Variants in GBP3 observed in about 807,000 individuals in gnomAD.
The protein encoded by GBP3 is guanylate binding protein 3, also known as guanylate-binding protein 3.
Under a neutral mutation model 62.4 loss-of-function variants are expected in GBP3, and 55 were observed. That is an observed-to-expected ratio of 0.88 (90% CI 0.71 to 1.10). The LOEUF (loss-of-function observed/expected upper bound fraction) is 1.10. Among genes scored for constraint, GBP3 ranks in the 50% least tolerant of loss-of-function variants. GBP3 has a pLI of 0.00. For missense variants in GBP3, 605 were observed against 690.6 expected, an observed-to-expected ratio of 0.88 and a Z score of 1.39; for synonymous variants, 208 against 259.2, an observed-to-expected ratio of 0.80 and a Z score of 1.90.
chr1:89,014,549 C>G lies in GBP3; in HGVS notation c.426G>C (p.Leu142=). ...GTINQQAMDQ[L]YYVTELTHRI... ...TGTTCTGGGTCACAAAAGGATACTACAGTTGGTCCATAGCCTGCTGGTTGA... is the reference window on the plus strand; with the variant it reads ...TGTTCTGGGTCACAAAAGGATACTAGAGTTGGTCCATAGCCTGCTGGTTGA... Residue 142 remains leucine (L), a splice_region_variant and synonymous_variant, in exon 4 of 11, where the codon CTG becomes CTC. Transcript: ENST00000370481. The G allele has an allele frequency of 6.2e-7, 1 of 1,614,104 alleles. No homozygotes were observed. Among genetic ancestry groups the G allele is most frequent in the Non-Finnish European group, 8.5e-7 (1 of 1,179,976 alleles).
intron 9 of GBP3, 67 bp from the exon 10 acceptor site, chr1:89,009,207 C>T: frequency 6.6e-7 from 1 of 1,511,030 alleles, no homozygotes. Context: ...ATACACTTAC[C>T]CTCCATTGTT....
Position 89,007,519 on chromosome 1 carries a change from G to T in GBP3, c.*205C>A, listed in dbSNP as rs572545405. 28 of 511,492 alleles carry T rather than the reference G, an allele frequency of 5.5e-5. No homozygotes were observed. Among genetic ancestry groups the T allele is most frequent in the African/African-American group, 4.1e-4 (21 of 51,418 alleles). 31.7% of individuals were successfully genotyped at this position (511,492 alleles called of 1,614,324 possible). On this transcript the variant is annotated 3_prime_UTR_variant, in exon 11 of 11. Coordinates refer to ENST00000370481, the MANE Select transcript of GBP3 (RefSeq NM_018284.3). ...GCAACTCATGATCCCTCCTCTGTTG[G>T]TACAGAGGTAAATGCATCTTTGTTG...
chr1:89,021,827 G>GAGAC (rs1679247541), intron 1 of GBP3, among the ~76,000 whole-genome samples: 6 of 113,160 alleles, frequency 5.3e-5, no homozygotes, highest in Non-Finnish European at 1.1e-4. Flanking sequence ...GAGAGAGAGA[G>GAGAC]AGAGAAAGTG....
rs373746320 is a variant in GBP3 at position 89,013,956 on chromosome 1, A to G, written c.625+127T>C. ...TTTCTATTGCTAATAGCAAGCATTAATTCTTAAGAATAGCAAGCTAGAGAT... is the reference window on the plus strand; with the variant it reads ...TTTCTATTGCTAATAGCAAGCATTAGTTCTTAAGAATAGCAAGCTAGAGAT... On this transcript the variant is annotated intron_variant, in intron 5 of 10. Coordinates refer to ENST00000370481, the MANE Select transcript of GBP3 (RefSeq NM_018284.3). The G allele has an allele frequency of 3.6e-5, 37 of 1,038,288 alleles. 1 individual carries two copies. The Middle Eastern group carries it at 6.4e-4, about 18-fold the overall frequency. 64.3% of individuals were successfully genotyped at this position (1,038,288 alleles called of 1,614,324 possible). A position where few individuals can be genotyped will look rare whatever the true frequency, so the allele number is the denominator to read the frequency against.
chr1:89,017,841 G>A lies in GBP3; in HGVS notation c.191-2427C>T, dbSNP rs552549715. On this transcript the variant is annotated intron_variant, in intron 2 of 10. Transcript: ENST00000370481. ...AGCCTGAAATCCCAGCACTTTGGGA[G>A]GCTGAGGCAGGTGGATCACCTGAGG... 2.0e-5 allele frequency among the ~76,000 whole-genome samples: 3 copies of A among 152,320 alleles called. No homozygotes were observed. The East Asian group carries it at 5.8e-4, about 29-fold the overall frequency.
At chr1:89,009,553 G>C in intron 8 of GBP3, 59 bp from the exon 9 acceptor site, 2 of 1,599,938 alleles carry the variant, frequency 1.3e-6, no homozygotes, top group Non-Finnish European at 1.7e-6. Flanking sequence ...AGGTTTTCCT[G>C]TTCTTCTGCC....
intron 1 of GBP3, among the ~76,000 whole-genome samples, chr1:89,021,546 C>CACA (rs1557734773): frequency 7.0e-5 from 6 of 86,022 alleles, no homozygotes; most frequent in African/African-American, 2.3e-4. Context: ...ACACACACAC[C>CACA]CCAAAAAAAC....
chr1:89,021,802 AG>A, intron 1 of GBP3, among the ~76,000 whole-genome samples: 1 of 132,350 alleles, frequency 7.6e-6, no homozygotes, highest in African/African-American at 3.9e-5. Flanking sequence ...AGAGAGAGAG[AG>A]AGAGAGAGAG....
At chr1:89,016,061 G>C (rs1199486117) in intron 2 of GBP3, among the ~76,000 whole-genome samples, 1 of 152,140 alleles carries the variant, frequency 6.6e-6, no homozygotes, top group Non-Finnish European at 1.5e-5. Flanking sequence ...ACACAGAACT[G>C]TTAGAACTAA....
Position 89,011,249 on chromosome 1 carries a change from C to A in GBP3, c.1150-133G>T. 8 of 1,155,554 alleles carry A rather than the reference C, an allele frequency of 6.9e-6. 2 individuals are homozygous for A. Among genetic ancestry groups the A allele is most frequent in the Non-Finnish European group, 9.9e-6 (8 of 807,958 alleles). 71.6% of individuals were successfully genotyped at this position (1,155,554 alleles called of 1,614,324 possible). ...AAACTGACAGACTCCTCAGCAGGACCACGCTCTTACTCCTGACCCCACTTT... is the reference window on the plus strand; with the variant it reads ...AAACTGACAGACTCCTCAGCAGGACAACGCTCTTACTCCTGACCCCACTTT... On this transcript the variant is annotated intron_variant, in intron 7 of 10. Coordinates refer to ENST00000370481, the MANE Select transcript of GBP3 (RefSeq NM_018284.3).
At chr1:89,021,503 C>T (rs1047214480) in intron 1 of GBP3, among the ~76,000 whole-genome samples, 4 of 89,430 alleles carry the variant, frequency 4.5e-5, no homozygotes, top group Non-Finnish European at 7.6e-5. Context: ...CACGCATGCG[C>T]GCGCGCGCAC....
intron 1 of GBP3, among the ~76,000 whole-genome samples, chr1:89,022,213 C>A (rs1225501308): frequency 6.6e-6 from 1 of 152,104 alleles, no homozygotes; most frequent in Non-Finnish European, 1.5e-5. Context: ...TGTCTATAAC[C>A]GTGTCAGTGG....
At chr1:89,013,944 T>A in intron 5 of GBP3, 139 bp downstream of exon 5, 1 of 896,930 alleles carries the variant, frequency 1.1e-6, no homozygotes, top group Non-Finnish European at 1.7e-6. Context: ...CTATTGCTAA[T>A]AGCAAGCATT....
Position 89,012,441 on chromosome 1 carries a change from C to T in GBP3, c.869-414G>A, listed in dbSNP as rs533010825. 2.2e-5 allele frequency among the ~76,000 whole-genome samples: 3 copies of T among 138,668 alleles called. 1 individual carries two copies. Among genetic ancestry groups the T allele is most frequent in the Admixed American group, 7.4e-5 (1 of 13,480 alleles). The allele number at this position is 138,668 out of a possible 152,430, so 91.0% of individuals were successfully genotyped here. A position where few individuals can be genotyped will look rare whatever the true frequency, so the allele number is the denominator to read the frequency against. ...GATACTCTCCTAATCAAAAGGAGCC[C>T]TCCGTTTGGTTTATTTTAGCACAGC... is the stretch of plus-strand genomic sequence containing the variant. On this transcript the variant is annotated intron_variant, in intron 6 of 10. Transcript: ENST00000370481.
intron 2 of GBP3, chr1:89,020,211 C>T: frequency 2.5e-6 from 1 of 406,292 alleles, no homozygotes; most frequent in Admixed American, 3.2e-5. Flanking sequence ...TGTACTCCAG[C>T]CTGGGGAAAG....
In GBP3 at chr1:89,006,769, T is replaced by C. The variant is rs1028460692; in HGVS notation, c.*955A>G. On this transcript the variant is annotated 3_prime_UTR_variant, in exon 11 of 11. Transcript: ENST00000370481. ...ACCACTTACCTAGGATGTTTGACAA[T>C]TGGGATGAAGTCTACATATACTAAG... 6.6e-6 allele frequency: 1 copy of C among 152,206 alleles called. No individual in the cohort carries two copies. The highest frequency in any genetic ancestry group is 1.5e-5 in the Non-Finnish European group (1 of 68,048). The allele number at this position is 152,206 out of a possible 1,614,324, so 9.4% of individuals were successfully genotyped here.
chr1:89,014,738 A>G, intron 3 of GBP3, 82 bp from the exon 4 acceptor site: 2 of 1,551,030 alleles, frequency 1.3e-6, no homozygotes, highest in African/African-American at 1.4e-5. Context: ...AAAGTATATC[A>G]TAAGTTAGAG....
Position 89,012,009 on chromosome 1 carries a change from A to T in GBP3, c.887T>A (p.Leu296Gln). 1 of 1,462,280 alleles carries T rather than the reference A, an allele frequency of 6.8e-7. No homozygotes were observed. Among genetic ancestry groups the T allele is most frequent in the Non-Finnish European group, 9.5e-7 (1 of 1,055,066 alleles). 90.6% of individuals were successfully genotyped at this position (1,462,280 alleles called of 1,614,324 possible). A position where few individuals can be genotyped will look rare whatever the true frequency, so the allele number is the denominator to read the frequency against. ...TCTGCTGATAGCATTGATATAGGTCAGCACTAGGCTCTCTAGACCTACATA... is the reference window on the plus strand; with the variant it reads ...TCTGCTGATAGCATTGATATAGGTCTGCACTAGGCTCTCTAGACCTACATA... The part of the protein sequence containing the change: ...VNGPRLESLV[L>Q]TYINAISRGD... Residue 296 changes from leucine to glutamine, a missense_variant, in exon 7 of 11, where the codon CTG becomes CAG. Leu to Gln is a moderately radical substitution (Grantham distance 113). Coordinates refer to ENST00000370481, the MANE Select transcript of GBP3 (RefSeq NM_018284.3).
intron 6 of GBP3, among the ~76,000 whole-genome samples, chr1:89,012,626 AG>A (rs1250737067): frequency 7.2e-6 from 1 of 138,672 alleles, no homozygotes; most frequent in Non-Finnish European, 1.7e-5. Context: ...ACATTTAGAT[AG>A]CCCCACTTGT....
Sources: gnomAD v4.1 joint callset for allele counts (sites outside exome capture counted in the v4.1 genomes callset) on GRCh38, gnomAD v4.1.1 for gene constraint, MANE v1.5 for transcripts, NCBI Gene and HGNC (gene_info 2026-07-23, HGNC 2026-07-21) for gene names.